The following SCAPER variants were observed in gnomAD, a reference collection of about 807,000 sequenced individuals.
SCAPER encodes S-phase cyclin A associated protein in the ER.
Under a neutral mutation model 182.2 loss-of-function variants are expected in SCAPER, and 98 were observed. The ratio of observed to expected loss-of-function variants is 0.54; its 90% CI spans 0.46 to 0.64. The LOEUF is 0.64. Ranked by LOEUF, SCAPER falls within the 30% of genes least tolerant of loss-of-function variation. The pLI is 0.00. For missense variants in SCAPER, 1,432 were observed against 1,690.0 expected, an observed-to-expected ratio of 0.85 and a Z score of 2.68; for synonymous variants, 605 against 564.6, an observed-to-expected ratio of 1.07 and a Z score of -1.01.
chr15:76,374,423 G>T (rs927728928), intron 29 of SCAPER, among the ~76,000 whole-genome samples: 1 of 151,466 alleles, frequency 6.6e-6, no homozygotes, highest in African/African-American at 2.4e-5. Context: ...GAGTTAAGGG[G>T]TTGTTCAGAG....
chr15:76,502,246 T>C (rs1262194191), intron 24 of SCAPER, among the ~76,000 whole-genome samples: 2 of 152,136 alleles, frequency 1.3e-5, no homozygotes, highest in African/African-American at 2.4e-5. Context: ...CAGCCAGTAA[T>C]GGGATGGCTG....
intron 1 of SCAPER, among the ~76,000 whole-genome samples, chr15:76,898,427 CCA>C (rs2074552928): frequency 6.6e-6 from 1 of 152,134 alleles, no homozygotes; most frequent in Non-Finnish European, 1.5e-5. Context: ...AAACACAAGT[CCA>C]CACAAAAACT....
chr15:76,473,179 A>G (rs2050331628), intron 24 of SCAPER, among the ~76,000 whole-genome samples: 1 of 152,246 alleles, frequency 6.6e-6, no homozygotes, highest in African/African-American at 2.4e-5. Context: ...CCCTCACTCT[A>G]AACTCTCCCT....
Position 76,381,256 on chromosome 15 carries a change from A to G in SCAPER, c.3705+122T>C, listed in dbSNP as rs575121648. The stretch of plus-strand genomic sequence containing the variant: ...AGTTTAATAAATTATAATATATATT[A>G]TAATTCCATTTATTGTAGTTTATTC... On this transcript the variant is annotated intron_variant, in intron 28 of 31. Transcript: ENST00000563290. 2.2e-5 allele frequency: 14 copies of G among 647,574 alleles called. No individual in the cohort carries two copies. The African/African-American group carries it at 2.5e-4, about 12-fold the overall frequency. The allele number at this position is 647,574 out of a possible 1,614,324, so 40.1% of individuals were successfully genotyped here.
At chr15:76,793,232 C>G in intron 8 of SCAPER, 1 of 1,153,420 alleles carries the variant, frequency 8.7e-7, no homozygotes, top group Non-Finnish European at 1.3e-6. Context: ...GAAGTATACA[C>G]CTGTGATATT....
At chr15:76,395,062 G>C (rs2043961282) in intron 27 of SCAPER, among the ~76,000 whole-genome samples, 1 of 140,674 alleles carries the variant, frequency 7.1e-6, no homozygotes, top group Non-Finnish European at 1.5e-5. Flanking sequence ...AGTTTGTTTT[G>C]ATTTTTAGAT....
chr15:76,899,170 C>T (rs868038021), intron 1 of SCAPER, among the ~76,000 whole-genome samples: 1 of 149,466 alleles, frequency 6.7e-6, no homozygotes, highest in Non-Finnish European at 1.5e-5. Flanking sequence ...CCCTCTCGCT[C>T]TCCGTCTCCC....
At chr15:76,862,584 T>C (rs1035885763) in intron 2 of SCAPER, 51 bp from the exon 3 acceptor site, 18 of 1,149,392 alleles carry the variant, frequency 1.6e-5, no homozygotes, top group South Asian at 5.9e-5. Context: ...AGTCAAAATA[T>C]ATATTTAACA....
At chr15:76,804,501 G>A in intron 6 of SCAPER, 32 bp downstream of exon 6, 1 of 1,408,862 alleles carries the variant, frequency 7.1e-7, no homozygotes. Context: ...ACTGCTGGAT[G>A]ATAGGAAGAT....
intron 26 of SCAPER, among the ~76,000 whole-genome samples, chr15:76,412,418 C>A (rs2045354909): frequency 6.6e-6 from 1 of 152,084 alleles, no homozygotes; most frequent in Admixed American, 6.6e-5. Context: ...GGAGGCTGTA[C>A]ATGTGTGTGG....
chr15:76,732,238 A>G (rs2060960129), intron 16 of SCAPER, among the ~76,000 whole-genome samples: 1 of 152,204 alleles, frequency 6.6e-6, no homozygotes, highest in Non-Finnish European at 1.5e-5. Flanking sequence ...TGCCAAGGCA[A>G]GAGACCGAGG....
intron 22 of SCAPER, among the ~76,000 whole-genome samples, chr15:76,608,605 T>A (rs146389918): frequency 0.019 from 2,904 of 152,308 alleles, 38 homozygotes; most frequent in Non-Finnish European, 0.029. Context: ...GTCTGTGCCC[T>A]GCCCCCAGAG....
At chr15:76,753,040 C>A (rs970624005) in intron 15 of SCAPER, among the ~76,000 whole-genome samples, 5 of 151,662 alleles carry the variant, frequency 3.3e-5, no homozygotes, top group African/African-American at 9.7e-5. Flanking sequence ...AAATATTTAA[C>A]TAGTATGGAA....
chr15:76,535,415 A>T (rs541955824), intron 23 of SCAPER, among the ~76,000 whole-genome samples: 96 of 146,652 alleles, frequency 6.5e-4, no homozygotes, highest in Middle Eastern at 3.6e-3. Context: ...CCAGCTACTC[A>T]GGAGGCTGAG....
chr15:76,633,611 C>T (rs2053339822), intron 21 of SCAPER, among the ~76,000 whole-genome samples: 2 of 152,206 alleles, frequency 1.3e-5, no homozygotes, highest in Admixed American at 1.3e-4. Context: ...TGTCCATAAA[C>T]ACCTGGCTGG....
intron 22 of SCAPER, among the ~76,000 whole-genome samples, chr15:76,576,299 G>T (rs1481126950): frequency 6.6e-6 from 1 of 152,154 alleles, no homozygotes; most frequent in Non-Finnish European, 1.5e-5. Context: ...CAGAGTTCCA[G>T]ACTGCAGTGA....
At chr15:76,738,712 T>C (rs955554471) in intron 15 of SCAPER, among the ~76,000 whole-genome samples, 12 of 152,094 alleles carry the variant, frequency 7.9e-5, no homozygotes, top group African/African-American at 2.7e-4. Flanking sequence ...TCAATTAAGT[T>C]TGCTGTCATA....
rs143254289 is a variant in SCAPER at position 76,674,942 on chromosome 15, A to G, written c.2509-9153T>C. 5.9e-3 allele frequency among the ~76,000 whole-genome samples: 902 copies of G among 152,362 alleles called. 4 individuals are homozygous for G. The highest frequency in any genetic ancestry group is 0.021 in the African/African-American group (870 of 41,594). ...TGACAAGTTTTAAATTTCCTCTTTT[A>G]TAAGAAGCATGTGTTACTTTCGGAA... On this transcript the variant is annotated intron_variant, in intron 20 of 31. Transcript: ENST00000563290.
intron 20 of SCAPER, among the ~76,000 whole-genome samples, chr15:76,695,655 A>G (rs1056386211): frequency 2.6e-5 from 4 of 152,106 alleles, no homozygotes; most frequent in Admixed American, 2.6e-4. Context: ...CCTTGACCTA[A>G]TAAGTGGAAT....
Sources: allele counts gnomAD v4.1 joint callset (sites outside exome capture counted in the v4.1 genomes callset), GRCh38; gene constraint gnomAD v4.1.1; transcripts MANE v1.5; gene names NCBI Gene and HGNC (gene_info 2026-07-23, HGNC 2026-07-21).